COL6A2: variants seen among roughly 807,000 people sequenced by gnomAD.
COL6A2 encodes the protein collagen type VI alpha 2 chain.
COL6A2 carries 90 observed loss-of-function variants against 124.9 expected under a neutral mutation model. The observed-to-expected ratio is 0.72, with a 90% confidence interval of 0.61 to 0.86. The LOEUF is 0.86. Among genes scored for constraint, COL6A2 ranks in the 40% least tolerant of loss-of-function variants. The pLI is 0.00. For missense variants in COL6A2, 1,607 were observed against 1,502.5 expected, an observed-to-expected ratio of 1.07 and a Z score of -1.15; for synonymous variants, 793 against 618.2, an observed-to-expected ratio of 1.28 and a Z score of -4.19.
chr21:46,124,821 C>G (rs1311355459), intron 22 of COL6A2, 64 bp from the exon 23 acceptor site: 133 of 1,604,528 alleles, frequency 8.3e-5, no homozygotes, highest in Non-Finnish European at 1.1e-4. Flanking sequence ...TGGGCAGTGG[C>G]CTGGGAGAGA....
At chr21:46,115,150 C>T (rs1001104950) in intron 5 of COL6A2, among the ~76,000 whole-genome samples, 4 of 152,310 alleles carry the variant, frequency 2.6e-5, no homozygotes, top group East Asian at 1.9e-4. Context: ...TGCAGTGACC[C>T]GTTCTGTTGG....
Position 46,098,904 on chromosome 21 carries a change from G to A in COL6A2, c.-28+731G>A, listed in dbSNP as rs1347740596. The stretch of plus-strand genomic sequence containing the variant: ...GCCGGGGCGCTGGTGGAACCGCTGG[G>A]CCTGGGTCTCCACTGCTGGCAACCG... On this transcript the variant is annotated intron_variant, in intron 1 of 27. Coordinates refer to ENST00000300527, the MANE Select transcript of COL6A2 (RefSeq NM_001849.4). 5.2e-5 allele frequency: 8 copies of A among 152,424 alleles called. No homozygotes were observed. The East Asian group carries it at 1.5e-3, about 29-fold the overall frequency. The allele number at this position is 152,424 out of a possible 1,614,324, so 9.4% of individuals were successfully genotyped here.
chr21:46,109,831 T>G (rs2078375533), intron 1 of COL6A2, among the ~76,000 whole-genome samples: 1 of 152,190 alleles, frequency 6.6e-6, no homozygotes, highest in South Asian at 2.1e-4. Flanking sequence ...GGGCCTTCCC[T>G]GGCTCCCCAA....
chr21:46,132,667 CTG>C lies in COL6A2; in HGVS notation c.*116_*117del, dbSNP rs2078779041. The C allele has an allele frequency of 4.7e-5, 51 of 1,082,124 alleles. No individual in the cohort carries two copies. The highest frequency in any genetic ancestry group is 6.8e-5 in the Non-Finnish European group (50 of 738,428). 67.0% of individuals were successfully genotyped at this position (1,082,124 alleles called of 1,614,324 possible). A position where few individuals can be genotyped will look rare whatever the true frequency, so the allele number is the denominator to read the frequency against. ...TGCTCACTCGGACGACGCCCTGGGC[CTG>C]CACCTCTCCAGCTCCTCCCACGGGG... On this transcript the variant is annotated 3_prime_UTR_variant, in exon 28 of 28. Transcript: ENST00000300527.
intron 20 of COL6A2, 129 bp from the exon 21 acceptor site, chr21:46,122,746 A>T: frequency 1.8e-6 from 2 of 1,098,624 alleles, no homozygotes; most frequent in Non-Finnish European, 2.7e-6. Context: ...CTTTGCAAAA[A>T]AACCACATAG....
chr21:46,121,745 G>T (rs1568934706), intron 18 of COL6A2, 127 bp downstream of exon 18: 3 of 918,566 alleles, frequency 3.3e-6, no homozygotes, highest in African/African-American at 1.6e-5. Flanking sequence ...TGTGCCTCCT[G>T]TTCTCAGCTC....
At position 46,116,250 on chromosome 21, in the gene COL6A2, C is replaced by CT. The variant is rs1261493346; in HGVS notation, c.901-126dup. ...CCCAGGGCTCAGCCTCCTCCGCAGA[C>CT]TGTTTGTCGAGAACACTAGATGCCA... On this transcript the variant is annotated intron_variant, in intron 7 of 27. Coordinates refer to ENST00000300527, the MANE Select transcript of COL6A2 (RefSeq NM_001849.4). The surrounding 1 kb of genome is among the most constrained non-coding windows in gnomAD (Gnocchi z 4.6). The CT allele has an allele frequency of 8.0e-7, 1 of 1,243,904 alleles. No homozygotes were observed. The highest frequency in any genetic ancestry group is 2.5e-5 in the East Asian group (1 of 39,928). The allele number at this position is 1,243,904 out of a possible 1,614,324, so 77.1% of individuals were successfully genotyped here.
chr21:46,116,277 C>G lies in COL6A2; in HGVS notation c.901-100C>G, dbSNP rs975075442. Reference sequence around the variant, plus strand: ...GTTTGTCGAGAACACTAGATGCCAGCGGCCCACCGAGCACTCCCCTCAGCC... The same window carrying G: ...GTTTGTCGAGAACACTAGATGCCAGGGGCCCACCGAGCACTCCCCTCAGCC... On this transcript the variant is annotated intron_variant, in intron 7 of 27. Transcript: ENST00000300527. This position sits in a 1 kb window ranked among gnomAD's most constrained non-coding sequence, Gnocchi z 4.6. The G allele has an allele frequency of 5.1e-6, 7 of 1,380,330 alleles. No individual in the cohort carries two copies. The highest frequency in any genetic ancestry group is 7.1e-6 in the Non-Finnish European group (7 of 985,516). 85.5% of individuals were successfully genotyped at this position (1,380,330 alleles called of 1,614,324 possible).
intron 27 of COL6A2, 128 bp from the exon 28 acceptor site, chr21:46,131,826 C>T (rs1015809615): frequency 8.9e-6 from 8 of 898,490 alleles, no homozygotes; most frequent in Non-Finnish European, 1.2e-5. Flanking sequence ...CAGAAACGCC[C>T]CCGCAGAGCC....
At chr21:46,125,232 G>A (rs201625005) in intron 23 of COL6A2, 34 bp from the exon 24 acceptor site, 176 of 1,603,396 alleles carry the variant, frequency 1.1e-4, no homozygotes, top group African/African-American at 1.9e-4. Flanking sequence ...CTGGGGCCCC[G>A]GGGGGACTAC....
chr21:46,110,541 C>A (rs1451484639), intron 1 of COL6A2, among the ~76,000 whole-genome samples: 1 of 152,150 alleles, frequency 6.6e-6, no homozygotes, highest in Non-Finnish European at 1.5e-5. Context: ...CTGAGCAGGT[C>A]TGGCCTGGGT....
At chr21:46,108,308 T>C (rs2078357983) in intron 1 of COL6A2, among the ~76,000 whole-genome samples, 1 of 152,180 alleles carries the variant, frequency 6.6e-6, no homozygotes, top group Admixed American at 6.5e-5. Context: ...TTTTTTGTAC[T>C]GTAGTAAGCA....
intron 27 of COL6A2, among the ~76,000 whole-genome samples, chr21:46,127,261 G>A (rs1422877674): frequency 1.3e-5 from 2 of 152,138 alleles, no homozygotes; most frequent in African/African-American, 4.8e-5. Context: ...CGACCTGGAG[G>A]ACCACAGGGA....
chr21:46,132,453 G>T lies in COL6A2; in HGVS notation c.2961G>T (p.Thr987=), dbSNP rs149845431. The T allele has an allele frequency of 2.5e-6, 4 of 1,606,092 alleles. No homozygotes were observed. Among genetic ancestry groups the T allele is most frequent in the African/African-American group, 2.7e-5 (2 of 74,956 alleles). The change falls in exon 28 of 28, where the codon ACG becomes ACT. Residue 987 remains threonine, a synonymous_variant. Coordinates refer to ENST00000300527, the MANE Select transcript of COL6A2 (RefSeq NM_001849.4). ...GSDVDMDVLT[T]LSLGDRAAVF... ...ACGTGGACATGGACGTGCTCACCAC[G>T]CTCAGCCTGGGTGACCGCGCCGCCG...
rs2078713546 is a variant in COL6A2, at chr21:46,128,754, T to C, written c.2461+2213T>C. 7 of 756,552 alleles carry C rather than the reference T, an allele frequency of 9.3e-6. No individual in the cohort carries two copies. In the South Asian group the frequency reaches 9.8e-5, roughly 11 times the overall value. 46.9% of individuals were successfully genotyped at this position (756,552 alleles called of 1,614,324 possible). Reference sequence around the variant, plus strand: ...CTGCTCAGGGGAAGACAGTTCTGGGTGTAGAGGACTCACATCCCAGAGAGG... The same window carrying C: ...CTGCTCAGGGGAAGACAGTTCTGGGCGTAGAGGACTCACATCCCAGAGAGG... On this transcript the variant is annotated intron_variant, in intron 27 of 27. Coordinates refer to ENST00000300527, the MANE Select transcript of COL6A2 (RefSeq NM_001849.4).
In COL6A2 at chr21:46,124,920, G is replaced by A. The variant is rs150999832; in HGVS notation, c.1770G>A (p.Thr590=). Residue 590 remains threonine, a splice_region_variant and synonymous_variant, in exon 23 of 28, where the codon ACG becomes ACA. Coordinates refer to ENST00000300527, the MANE Select transcript of COL6A2 (RefSeq NM_001849.4). ...GCCCCCCTGGAGACCCCGGTCTCACGGTAGGTGTCACATGGGGCAGAACCA... is the reference window on the plus strand; with the variant it reads ...GCCCCCCTGGAGACCCCGGTCTCACAGTAGGTGTCACATGGGGCAGAACCA... The part of the protein sequence containing the change: ...EPGPPGDPGL[T]ECDVMTYVRE... The A allele has an allele frequency of 4.3e-5, 70 of 1,612,744 alleles. No individual in the cohort carries two copies. Among genetic ancestry groups the A allele is most frequent in the Admixed American group, 2.5e-4 (15 of 60,002 alleles).
Position 46,132,772 on chromosome 21 carries a change from A to G in COL6A2, c.*220A>G. 2 of 590,034 alleles carry G rather than the reference A, an allele frequency of 3.4e-6. No individual in the cohort carries two copies. The highest frequency in any genetic ancestry group is 2.0e-5 in the South Asian group (1 of 50,346). The allele number at this position is 590,034 out of a possible 1,614,324, so 36.5% of individuals were successfully genotyped here. On this transcript the variant is annotated 3_prime_UTR_variant, in exon 28 of 28. Transcript: ENST00000300527. ...GGCTGCCCGGCCTCCCTCCCCCTGC[A>G]GCCATCCCAAGGCTCCTGACCTACC...
chr21:46,100,038 G>C (rs886297804), intron 1 of COL6A2, among the ~76,000 whole-genome samples: 2 of 151,976 alleles, frequency 1.3e-5, no homozygotes, highest in African/African-American at 4.8e-5. Flanking sequence ...TGCATTGCCT[G>C]GTTGTGATGT....
intron 27 of COL6A2, among the ~76,000 whole-genome samples, chr21:46,127,720 A>G (rs2078694640): frequency 1.0e-5 from 1 of 98,718 alleles, no homozygotes; most frequent in Non-Finnish European, 2.3e-5. Flanking sequence ...GTGCTTTGCT[A>G]TCAGGTGGGG....
Sources: allele counts gnomAD v4.1 joint callset (sites outside exome capture counted in the v4.1 genomes callset), GRCh38; gene constraint gnomAD v4.1.1; non-coding constraint Gnocchi (gnomAD v3.1); transcripts MANE v1.5; gene names NCBI Gene and HGNC (gene_info 2026-07-23, HGNC 2026-07-21).